COL6A5: variants seen among roughly 807,000 people sequenced by gnomAD.
COL6A5 encodes collagen type VI alpha 5 chain.
A neutral mutation model predicts 65.6 loss-of-function variants in COL6A5; 48 were observed. The ratio of observed to expected loss-of-function variants is 0.73; its 90% confidence interval spans 0.58 to 0.93. The LOEUF (loss-of-function observed/expected upper bound fraction) is 0.93, where lower values mean the gene tolerates loss of function less well. Ranked by LOEUF, COL6A5 falls within the 40% of genes least tolerant of loss-of-function variation. The probability of loss-of-function intolerance (pLI) is 0.00; values close to 1 mark genes in which losing one functional copy is unlikely to be tolerated. For missense variants in COL6A5, 914 were observed against 928.3 expected, an observed-to-expected ratio of 0.98 and a Z score of 0.20; for synonymous variants, 291 against 322.8, an observed-to-expected ratio of 0.90 and a Z score of 1.05.
chr3:130,434,845 T>C (rs1243543910), intron 1 of COL6A5, among the ~76,000 whole-genome samples: 1 of 152,212 alleles, frequency 6.6e-6, no homozygotes, highest in Admixed American at 6.5e-5. Flanking sequence ...ATTAGACCTT[T>C]GTCAGATGGG....
chr3:130,466,108 A>T (rs1709809547), intron 5 of COL6A5, among the ~76,000 whole-genome samples: 1 of 152,092 alleles, frequency 6.6e-6, no homozygotes, highest in Non-Finnish European at 1.5e-5. Flanking sequence ...CTTGAGCAAC[A>T]CTATCAACTA....
chr3:130,452,441 G>C (rs1190203215), intron 4 of COL6A5, among the ~76,000 whole-genome samples: 1 of 152,112 alleles, frequency 6.6e-6, no homozygotes, highest in East Asian at 1.9e-4. Flanking sequence ...TTTAAAGCTG[G>C]GCATCCGGGG....
exon 7 of COL6A5, chr3:130,391,323 G>T: frequency 1.9e-6 from 3 of 1,551,646 alleles, no homozygotes; most frequent in Non-Finnish European, 2.6e-6. Flanking sequence ...GTTCAGTTTG[G>T]AGCCCTCAAA....
chr3:130,420,080 G>A (rs1330413552), intron 25 of COL6A5, among the ~76,000 whole-genome samples: 2 of 151,738 alleles, frequency 1.3e-5, no homozygotes, highest in Non-Finnish European at 2.9e-5. Context: ...GGTCCAGCAA[G>A]TCTTAAAAAG....
chr3:130,399,333 G>A (rs545888881), intron 10 of COL6A5, among the ~76,000 whole-genome samples: 3 of 151,360 alleles, frequency 2.0e-5, no homozygotes, highest in African/African-American at 7.3e-5. Context: ...GCAGAACCTG[G>A]CCTTTGCTTG....
intron 1 of COL6A5, among the ~76,000 whole-genome samples, chr3:130,373,266 T>C (rs1935632835): frequency 6.6e-6 from 1 of 152,194 alleles, no homozygotes; most frequent in Non-Finnish European, 1.5e-5. Context: ...TCTGGGTTAG[T>C]ACTGTGGATC....
chr3:130,410,623 G>C, intron 20 of COL6A5, 99 bp downstream of exon 20: 1 of 1,019,738 alleles, frequency 9.8e-7, no homozygotes, highest in South Asian at 1.5e-5. Context: ...ATTCAGGGCT[G>C]AAATATTTTT....
Position 130,388,687 on chromosome 3 carries a change from A to G in COL6A5, c.1969A>G (p.Lys657Glu). 3.9e-6 allele frequency: 6 copies of G among 1,551,340 alleles called. 1 individual carries two copies. In the South Asian group the frequency reaches 7.1e-5, roughly 18 times the overall value. ...AATCTTCATGAAAAACCTGTTAACTAAAATTCAAATTGGTGCAGACAAAAC... is the reference window on the plus strand; with the variant it reads ...AATCTTCATGAAAAACCTGTTAACTGAAATTCAAATTGGTGCAGACAAAAC... The change falls in exon 6 of 42, where the codon AAA becomes GAA. Residue 657 changes from lysine (K) to glutamate (E), a missense_variant and NMD_transcript_variant. Lys to Glu is a moderately conservative substitution (Grantham distance 56). Transcript: ENST00000312481.
chr3:130,479,293 A>G (rs1195240133), intron 7 of COL6A5, among the ~76,000 whole-genome samples: 2 of 150,624 alleles, frequency 1.3e-5, no homozygotes, highest in South Asian at 2.1e-4. Flanking sequence ...TGCATTGATC[A>G]TAAGCTTCCC....
At chr3:130,390,585 T>C (rs2107652528) in intron 6 of COL6A5, among the ~76,000 whole-genome samples, 1 of 152,238 alleles carries the variant, frequency 6.6e-6, no homozygotes, top group East Asian at 1.9e-4. Context: ...GATAGGAGTT[T>C]TTGCTCTCCT....
chr3:130,463,087 G>C (rs989804864), intron 5 of COL6A5, among the ~76,000 whole-genome samples: 1 of 152,096 alleles, frequency 6.6e-6, no homozygotes, highest in African/African-American at 2.4e-5. Context: ...GAAGACAAGC[G>C]TAGAGCTGAG....
chr3:130,460,321 G>C (rs1709674894), intron 5 of COL6A5, among the ~76,000 whole-genome samples: 1 of 152,052 alleles, frequency 6.6e-6, no homozygotes, highest in African/African-American at 2.4e-5. Flanking sequence ...ATTTTAAGCT[G>C]TAGACTGAGA....
chr3:130,463,108 G>T (rs946978663), intron 5 of COL6A5, among the ~76,000 whole-genome samples: 1 of 152,108 alleles, frequency 6.6e-6, no homozygotes, highest in Non-Finnish European at 1.5e-5. Flanking sequence ...CACAAGACCC[G>T]AAGCAAACTG....
intron 5 of COL6A5, among the ~76,000 whole-genome samples, chr3:130,388,080 C>CTAAA (rs1278771566): frequency 3.3e-5 from 5 of 151,996 alleles, no homozygotes; most frequent in African/African-American, 9.6e-5. Flanking sequence ...TCTCCAATTT[C>CTAAA]TAATATTGAT....
chr3:130,440,262 C>T (rs1209161920), exon 3 of COL6A5: 1 of 1,613,280 alleles, frequency 6.2e-7, no homozygotes, highest in South Asian at 1.1e-5. Flanking sequence ...CGGAATATAG[C>T]AAAGGATGAG....
At chr3:130,375,292 G>A (rs1034941655) in intron 2 of COL6A5, among the ~76,000 whole-genome samples, 2 of 152,146 alleles carry the variant, frequency 1.3e-5, no homozygotes, top group African/African-American at 4.8e-5. Flanking sequence ...AACTTCTGGG[G>A]ATGGTCTGCA....
chr3:130,396,770 A>G (rs1046079812), intron 8 of COL6A5, among the ~76,000 whole-genome samples: 1 of 152,212 alleles, frequency 6.6e-6, no homozygotes, highest in Non-Finnish European at 1.5e-5. Context: ...CACTTGAATC[A>G]TTTATCTTAT....
At chr3:130,452,935 A>G (rs1010540620) in intron 4 of COL6A5, among the ~76,000 whole-genome samples, 7 of 152,148 alleles carry the variant, frequency 4.6e-5, no homozygotes, top group African/African-American at 1.7e-4. Context: ...TATTTCTCCC[A>G]TTTGCTTTTG....
At chr3:130,392,399 A>G (rs762285333) in intron 7 of COL6A5, among the ~76,000 whole-genome samples, 5 of 152,160 alleles carry the variant, frequency 3.3e-5, no homozygotes, top group African/African-American at 7.2e-5. Flanking sequence ...TGGAGACATC[A>G]CATTTGAGTG....
Sources: gnomAD v4.1 joint callset for allele counts (sites outside exome capture counted in the v4.1 genomes callset) on GRCh38, gnomAD v4.1.1 for gene constraint, MANE v1.5 for transcripts, NCBI Gene and HGNC (gene_info 2026-07-23, HGNC 2026-07-21) for gene names.